Variants in STK33 observed in about 807,000 individuals in gnomAD.
STK33 encodes the protein serine/threonine kinase 33.
In STK33, 52 loss-of-function variants were observed where a neutral mutation model predicts 58.0. The observed-to-expected ratio is 0.90, with a 90% CI of 0.72 to 1.13. The LOEUF (loss-of-function observed/expected upper bound fraction) is 1.13, where lower values mean the gene tolerates loss of function less well. Among genes scored for constraint, STK33 ranks in the 50% most tolerant of loss-of-function variants. The pLI is 0.00. For missense variants in STK33, 630 were observed against 604.2 expected (o/e 1.04, Z -0.45); for synonymous variants, 215 against 200.1 (o/e 1.07, Z -0.63).
At chr11:8,426,895 T>C (rs1168861417) in intron 14 of STK33, among the ~76,000 whole-genome samples, 3 of 152,200 alleles carry the variant, frequency 2.0e-5, no homozygotes, top group African/African-American at 7.2e-5. Flanking sequence ...GCCTCCATAT[T>C]CTCCTTTAGC....
chr11:8,373,150 C>T, the STK33 span, among the ~76,000 whole-genome samples: 2 of 152,158 alleles, frequency 1.3e-5, no homozygotes, highest in African/African-American at 4.8e-5. Context: ...AGGCTGGTCT[C>T]GGCTTGTTCT....
intron 1 of STK33, among the ~76,000 whole-genome samples, chr11:8,527,394 G>A (rs751716939): frequency 5.3e-5 from 8 of 152,056 alleles, no homozygotes; most frequent in Non-Finnish European, 5.9e-5. Context: ...ATGAGTGTTC[G>A]CTTTGTGATA....
the STK33 span, among the ~76,000 whole-genome samples, chr11:8,368,998 G>T: frequency 6.6e-6 from 1 of 152,192 alleles, no homozygotes. Flanking sequence ...TGTATGGAAT[G>T]CCGGTTAGGG....
At chr11:8,498,481 A>T (rs1014982365) in intron 1 of STK33, among the ~76,000 whole-genome samples, 1 of 152,238 alleles carries the variant, frequency 6.6e-6, no homozygotes, top group African/African-American at 2.4e-5. Flanking sequence ...CATGGATAGG[A>T]AGAATCAATA....
chr11:8,487,421 CAAA>C (rs35061686), intron 1 of STK33, among the ~76,000 whole-genome samples: 2,855 of 102,798 alleles, frequency 0.028, 21 homozygotes, highest in East Asian at 0.045. Flanking sequence ...GACCCAGTCT[CAAA>C]AAAAAAAAAA....
chr11:8,465,783 C>T (rs1948109327), intron 6 of STK33: 1 of 153,052 alleles, frequency 6.5e-6, no homozygotes, highest in Non-Finnish European at 1.5e-5. Context: ...TTCACATTCA[C>T]CATGTGTATT....
intron 1 of STK33, among the ~76,000 whole-genome samples, chr11:8,584,128 GAA>G (rs1234780384): frequency 7.4e-6 from 1 of 134,902 alleles, no homozygotes; most frequent in Non-Finnish European, 1.6e-5. Context: ...AAAAAAAAAA[GAA>G]AGAAAACAAA....
intron 11 of STK33, among the ~76,000 whole-genome samples, chr11:8,448,555 G>A (rs1945829670): frequency 6.6e-6 from 1 of 152,144 alleles, no homozygotes; most frequent in Admixed American, 6.6e-5. Flanking sequence ...TTCAATAAAT[G>A]GTGCTGGGAA....
chr11:8,497,138 T>C (rs1487974222), intron 1 of STK33, among the ~76,000 whole-genome samples: 1 of 152,070 alleles, frequency 6.6e-6, no homozygotes, highest in Non-Finnish European at 1.5e-5. Flanking sequence ...TATCAACATA[T>C]GCATAACCCA....
At chr11:8,478,762 T>G (rs1360998808) in intron 2 of STK33, among the ~76,000 whole-genome samples, 1 of 151,780 alleles carries the variant, frequency 6.6e-6, no homozygotes, top group East Asian at 1.9e-4. Flanking sequence ...AAAAAAAAAC[T>G]TACGAATTGT....
chr11:8,359,294 G>A, the STK33 span, among the ~76,000 whole-genome samples: 1 of 152,208 alleles, frequency 6.6e-6, no homozygotes, highest in African/African-American at 2.4e-5. Context: ...ATTTTGCTGT[G>A]TTGAAGGAGA....
At chr11:8,473,398 G>T in intron 5 of STK33, 122 bp from the exon 6 acceptor site, 1 of 632,332 alleles carries the variant, frequency 1.6e-6, no homozygotes. Flanking sequence ...CTATGCACAA[G>T]ATTGTTTACT....
At chr11:8,441,408 G>C (rs1944724491) in intron 11 of STK33, among the ~76,000 whole-genome samples, 1 of 151,892 alleles carries the variant, frequency 6.6e-6, no homozygotes, top group South Asian at 2.1e-4. Context: ...CTGGAGTGCA[G>C]TGGCATGATC....
intron 1 of STK33, among the ~76,000 whole-genome samples, chr11:8,536,819 C>T (rs561706100): frequency 5.4e-4 from 82 of 151,290 alleles, no homozygotes; most frequent in African/African-American, 2.0e-3. Flanking sequence ...CACTCTGTTG[C>T]CCAGGCTGGA....
chr11:8,392,568 G>C lies in STK33; in HGVS notation c.1487C>G (p.Thr496Arg), dbSNP rs376097595. 3 of 1,614,124 alleles carry C rather than the reference G, an allele frequency of 1.9e-6. No individual in the cohort carries two copies. Among genetic ancestry groups the C allele is most frequent in the Non-Finnish European group, 1.7e-6 (2 of 1,180,052 alleles). The change falls in exon 16 of 16, where the codon ACA becomes AGA. Residue 496 changes from threonine (T) to arginine (R), a missense_variant. Physicochemically the swap from Thr to Arg is moderately conservative, Grantham distance 71 (BLOSUM62 -1). Transcript: ENST00000687296. ...EKTPVTPSQGTATKYPAKSGA... is the reference protein window; with the variant it reads ...EKTPVTPSQGRATKYPAKSGA... ...GGATTTAGCAGGGTACTTGGTTGCT[G>C]TTCCTTGGCTTGGAGTCACAGGGGT...
chr11:8,446,312 C>A (rs572966636), intron 11 of STK33, among the ~76,000 whole-genome samples: 1 of 151,970 alleles, frequency 6.6e-6, no homozygotes, highest in East Asian at 1.9e-4. Flanking sequence ...TTTTGTTAAT[C>A]TTTTCAAAAA....
At chr11:8,342,466 G>A in the STK33 span, among the ~76,000 whole-genome samples, 3 of 152,312 alleles carry the variant, frequency 2.0e-5, no homozygotes, top group Admixed American at 6.5e-5. Flanking sequence ...GTCTTCCTTG[G>A]TGATTGTTTT....
intron 1 of STK33, among the ~76,000 whole-genome samples, chr11:8,574,961 C>T (rs1237888417): frequency 6.6e-6 from 1 of 152,072 alleles, no homozygotes; most frequent in Admixed American, 6.6e-5. Flanking sequence ...AGGAGGATCA[C>T]TTGAGCCCAG....
intron 1 of STK33, among the ~76,000 whole-genome samples, chr11:8,498,862 G>A (rs1400896027): frequency 7.2e-5 from 11 of 152,162 alleles, no homozygotes; most frequent in African/African-American, 2.4e-4. Flanking sequence ...ATGGTGTTGG[G>A]CAAACTGGCT....
Sources: gnomAD v4.1 joint callset for allele counts (sites outside exome capture counted in the v4.1 genomes callset) on GRCh38, gnomAD v4.1.1 for gene constraint, MANE v1.5 for transcripts, NCBI Gene and HGNC (gene_info 2026-07-23, HGNC 2026-07-21) for gene names.